Variants in TAFA1 observed in about 807,000 individuals in gnomAD.
TAFA1 encodes TAFA chemokine like family member 1.
TAFA1 carries 4 observed loss-of-function variants against 18.5 expected under a neutral mutation model. The observed-to-expected ratio is 0.22, with a 90% CI of 0.11 to 0.49. The LOEUF is 0.49. Among genes scored for constraint, TAFA1 ranks in the 20% least tolerant of loss-of-function variants. TAFA1 has a pLI of 0.98. For missense variants in TAFA1, 147 were observed against 169.0 expected (o/e 0.87, Z 0.72); for synonymous variants, 56 against 55.2 (o/e 1.01, Z -0.06).
At chr3:68,170,715 G>A (rs904511030) in intron 2 of TAFA1, among the ~76,000 whole-genome samples, 4 of 152,130 alleles carry the variant, frequency 2.6e-5, no homozygotes, top group Non-Finnish European at 4.4e-5. Context: ...TTGGAGGCAT[G>A]CTCATAAACA....
chr3:68,425,585 G>A (rs1029635150), intron 3 of TAFA1, among the ~76,000 whole-genome samples: 1 of 151,916 alleles, frequency 6.6e-6, no homozygotes, highest in Non-Finnish European at 1.5e-5. Context: ...TGTGAGAGAT[G>A]CAAGTCTGCA....
intron 2 of TAFA1, among the ~76,000 whole-genome samples, chr3:68,297,905 T>C (rs1353142615): frequency 3.9e-5 from 6 of 152,204 alleles, no homozygotes; most frequent in Non-Finnish European, 8.8e-5. Flanking sequence ...GTCTAGCATT[T>C]TCCAATAGTG....
chr3:68,128,486 CA>C (rs1423892740), intron 2 of TAFA1, among the ~76,000 whole-genome samples: 1 of 152,136 alleles, frequency 6.6e-6, no homozygotes, highest in Non-Finnish European at 1.5e-5. Context: ...TTTTAAAGGT[CA>C]AAAACTGATT....
chr3:68,530,987 T>C (rs1250754180), intron 3 of TAFA1, among the ~76,000 whole-genome samples: 1 of 151,172 alleles, frequency 6.6e-6, no homozygotes, highest in Non-Finnish European at 1.5e-5. Flanking sequence ...TAGAAGGCAC[T>C]GAATTAGCAT....
rs74347662 is a variant in TAFA1, at chr3:68,534,968, G to T, written c.260-3788G>T. Among the ~76,000 whole-genome samples the T allele has an allele frequency of 2.3e-3, 357 of 152,194 alleles. 13 individuals are homozygous for T. The East Asian group carries it at 0.057, about 24-fold the overall frequency. On this transcript the variant is annotated intron_variant, in intron 3 of 4. Coordinates refer to ENST00000478136, the MANE Select transcript of TAFA1 (RefSeq NM_213609.4). ...TCTGTGAAAAAAAGGGTGACAAAAT[G>T]CTAAGTTGAAGGGTTGTTGGGAAAG...
chr3:68,523,228 G>C (rs2073054746), intron 3 of TAFA1, among the ~76,000 whole-genome samples: 1 of 152,196 alleles, frequency 6.6e-6, no homozygotes, highest in Admixed American at 6.5e-5. Flanking sequence ...CTGCTCAGTT[G>C]TTTTTATAAA....
intron 3 of TAFA1, among the ~76,000 whole-genome samples, chr3:68,515,901 C>T (rs1240646825): frequency 6.6e-6 from 1 of 152,186 alleles, no homozygotes; most frequent in East Asian, 1.9e-4. Context: ...AATTAGCACC[C>T]CCTCTTAGAG....
chr3:68,222,864 G>A (rs1418934175), intron 2 of TAFA1, among the ~76,000 whole-genome samples: 1 of 151,840 alleles, frequency 6.6e-6, no homozygotes, highest in Non-Finnish European at 1.5e-5. Context: ...GTAGAGATGG[G>A]GTTTTACCAT....
chr3:68,204,733 T>A lies in TAFA1; in HGVS notation c.118+197989T>A, dbSNP rs531388931. ...TTCCCATATAGAGCTCTAACTTATTTTAATGGTGAAATTTTTCAACTCCCT... is the reference window on the plus strand; with the variant it reads ...TTCCCATATAGAGCTCTAACTTATTATAATGGTGAAATTTTTCAACTCCCT... On this transcript the variant is annotated intron_variant, in intron 2 of 4. Coordinates refer to ENST00000478136, the MANE Select transcript of TAFA1 (RefSeq NM_213609.4). 3.9e-3 allele frequency among the ~76,000 whole-genome samples: 591 copies of A among 151,968 alleles called. 1 individual carries two copies. The highest frequency in any genetic ancestry group is 6.6e-3 in the Non-Finnish European group (447 of 67,856).
At chr3:67,998,340 A>G in the TAFA1 span, among the ~76,000 whole-genome samples, 2 of 152,160 alleles carry the variant, frequency 1.3e-5, no homozygotes, top group African/African-American at 4.8e-5. Flanking sequence ...TCAACATTAT[A>G]ATTATGCCCT....
At chr3:68,189,338 T>C (rs2066310496) in intron 2 of TAFA1, among the ~76,000 whole-genome samples, 1 of 151,928 alleles carries the variant, frequency 6.6e-6, no homozygotes, top group East Asian at 1.9e-4. Flanking sequence ...TTTTGTTAAA[T>C]GTTGCTTCAG....
intron 2 of TAFA1, among the ~76,000 whole-genome samples, chr3:68,064,315 C>T (rs2064644712): frequency 6.6e-6 from 1 of 152,128 alleles, no homozygotes; most frequent in Non-Finnish European, 1.5e-5. Flanking sequence ...TCTTCTGAAG[C>T]ATATTTTTTT....
At chr3:68,019,622 C>CACAAAA (rs1704644034) in intron 2 of TAFA1, among the ~76,000 whole-genome samples, 1 of 152,146 alleles carries the variant, frequency 6.6e-6, no homozygotes, top group Admixed American at 6.6e-5. Flanking sequence ...TCATTTGCAG[C>CACAAAA]AGTGTCTTTT....
At chr3:68,041,174 T>C (rs1705156468) in intron 2 of TAFA1, among the ~76,000 whole-genome samples, 1 of 152,246 alleles carries the variant, frequency 6.6e-6, no homozygotes, top group South Asian at 2.1e-4. Flanking sequence ...AAATCCCTTT[T>C]ATTCCAGTTG....
chr3:68,372,888 T>C (rs1348308695), intron 2 of TAFA1, among the ~76,000 whole-genome samples: 1 of 152,114 alleles, frequency 6.6e-6, no homozygotes, highest in Non-Finnish European at 1.5e-5. Context: ...TGTGGAAGCA[T>C]GAGGAAGAAA....
chr3:68,272,706 A>G (rs1263873220), intron 2 of TAFA1, among the ~76,000 whole-genome samples: 5 of 152,198 alleles, frequency 3.3e-5, no homozygotes, highest in African/African-American at 9.6e-5. Context: ...TAAAATTCTC[A>G]GGAAAACATT....
intron 3 of TAFA1, among the ~76,000 whole-genome samples, chr3:68,436,746 G>T (rs1395031871): frequency 6.6e-6 from 1 of 152,138 alleles, no homozygotes; most frequent in Non-Finnish European, 1.5e-5. Context: ...TGTCTCTGTG[G>T]AAAGTTGTGA....
rs150184326 is a variant in TAFA1, at chr3:68,064,851, A to G, written c.118+58107A>G. Among the ~76,000 whole-genome samples, 1,022 of 152,082 alleles carry G rather than the reference A, an allele frequency of 6.7e-3. 14 individuals carry two copies. The highest frequency in any genetic ancestry group is 0.023 in the African/African-American group (948 of 41,502). ...AAGATGCAAGCTCTAGGAATCTTTT[A>G]TCTTCATTTAAACTCTTTTCTTTAT... is the stretch of plus-strand genomic sequence containing the variant. On this transcript the variant is annotated intron_variant, in intron 2 of 4. Transcript: ENST00000478136.
chr3:68,339,167 G>A (rs182512194), intron 2 of TAFA1, among the ~76,000 whole-genome samples: 98 of 152,320 alleles, frequency 6.4e-4, no homozygotes, highest in African/African-American at 2.0e-3. Context: ...GTAAAGAACC[G>A]CAGCAGTGCT....
Sources: gnomAD v4.1 joint callset for allele counts (sites outside exome capture counted in the v4.1 genomes callset) on GRCh38, gnomAD v4.1.1 for gene constraint, MANE v1.5 for transcripts, NCBI Gene and HGNC (gene_info 2026-07-23, HGNC 2026-07-21) for gene names.